WDR59: variants seen among roughly 807,000 people sequenced by gnomAD.
The protein encoded by WDR59 is GATOR2 complex protein WDR59.
WDR59 carries 100 observed loss-of-function variants against 131.2 expected under a neutral mutation model. The observed-to-expected ratio is 0.76, with a 90% CI of 0.65 to 0.90. WDR59 has a LOEUF of 0.90. Ranked by LOEUF, WDR59 falls within the 40% of genes least tolerant of loss-of-function variation. WDR59 has a pLI of 0.00. For synonymous variants in WDR59, 601 were observed against 466.2 expected, an observed-to-expected ratio of 1.29 and a Z score of -3.72; for missense variants, 1,203 against 1,262.2, an observed-to-expected ratio of 0.95 and a Z score of 0.71.
At chr16:74,900,704 G>C (rs1039707679) in intron 18 of WDR59, among the ~76,000 whole-genome samples, 3 of 152,228 alleles carry the variant, frequency 2.0e-5, no homozygotes, top group African/African-American at 7.2e-5. Flanking sequence ...TCCATCTAGA[G>C]AATATTTGGG....
intron 17 of WDR59, among the ~76,000 whole-genome samples, chr16:74,907,165 C>A (rs1965858143): frequency 6.6e-6 from 1 of 152,172 alleles, no homozygotes; most frequent in Non-Finnish European, 1.5e-5. Flanking sequence ...CAGAGATTGG[C>A]CACCTCTTGG....
At chr16:74,969,477 T>C (rs2033898229) in intron 1 of WDR59, among the ~76,000 whole-genome samples, 1 of 152,130 alleles carries the variant, frequency 6.6e-6, no homozygotes, top group African/African-American at 2.4e-5. Context: ...TTCACCGTGT[T>C]AGCCAGGATG....
intron 8 of WDR59, among the ~76,000 whole-genome samples, chr16:74,924,308 T>C (rs2030559570): frequency 6.6e-6 from 1 of 152,236 alleles, no homozygotes; most frequent in Non-Finnish European, 1.5e-5. Context: ...ACGTGTTTGA[T>C]TTTGTATCAC....
In WDR59 at chr16:74,919,003, A is replaced by C. The variant is rs572083059; in HGVS notation, c.887-995T>G. On this transcript the variant is annotated intron_variant, in intron 10 of 25. Coordinates refer to ENST00000262144, the MANE Select transcript of WDR59 (RefSeq NM_030581.4). ...CATCTTGCCTCATGTCCACATCAAC[A>C]ATCTTCTGACCCTACATCTGGCTTC... Among the ~76,000 whole-genome samples, 4 of 152,194 alleles carry C rather than the reference A, an allele frequency of 2.6e-5. No individual in the cohort carries two copies. The South Asian group carries it at 8.3e-4, about 32-fold the overall frequency.
chr16:74,884,472 C>T (rs966085070), intron 25 of WDR59, among the ~76,000 whole-genome samples: 1 of 152,246 alleles, frequency 6.6e-6, no homozygotes, highest in African/African-American at 2.4e-5. Flanking sequence ...CCTCAGCCTC[C>T]TGAGTAGCTG....
chr16:74,944,108 C>A (rs1221135442), intron 6 of WDR59, among the ~76,000 whole-genome samples: 1 of 152,106 alleles, frequency 6.6e-6, no homozygotes, highest in African/African-American at 2.4e-5. Context: ...GGGGAGGCAT[C>A]AGAACTCGAG....
chr16:74,981,660 A>ATTTTTTTTTTTTTTTTTT (rs1181233727), intron 1 of WDR59, among the ~76,000 whole-genome samples: 1 of 80,878 alleles, frequency 1.2e-5, no homozygotes, highest in African/African-American at 7.3e-5. Context: ...ATATATATAT[A>ATTTTTTTTTTTTTTTTTT]TTTTTTTTTT....
At chr16:74,948,844 T>C (rs1055317784) in intron 5 of WDR59, among the ~76,000 whole-genome samples, 1 of 152,038 alleles carries the variant, frequency 6.6e-6, no homozygotes, top group African/African-American at 2.4e-5. Flanking sequence ...CTACTAAAAA[T>C]ACAAAAATTA....
At chr16:74,944,781 A>C (rs561368931) in intron 6 of WDR59, among the ~76,000 whole-genome samples, 1 of 152,114 alleles carries the variant, frequency 6.6e-6, no homozygotes, top group Non-Finnish European at 1.5e-5. Context: ...TTCTACTTCC[A>C]TTTTTTAAGA....
intron 20 of WDR59, among the ~76,000 whole-genome samples, chr16:74,890,338 A>G (rs1964977402): frequency 6.6e-6 from 1 of 151,896 alleles, no homozygotes; most frequent in South Asian, 2.1e-4. Flanking sequence ...TTCAGTAGAG[A>G]TGGGGTTTTG....
At chr16:74,910,021 G>A in intron 14 of WDR59, 104 bp from the exon 15 acceptor site, 8 of 966,414 alleles carry the variant, frequency 8.3e-6, no homozygotes, top group East Asian at 2.7e-5. Flanking sequence ...AGGCTGGAGT[G>A]TAGTGGTACG....
rs1483131809 is a variant in WDR59 at position 74,873,352 on chromosome 16, C to G, written c.*857G>C. 1.3e-5 allele frequency: 2 copies of G among 152,194 alleles called. No individual in the cohort carries two copies. Among genetic ancestry groups the G allele is most frequent in the African/African-American group, 4.8e-5 (2 of 41,420 alleles). 9.4% of individuals were successfully genotyped at this position (152,194 alleles called of 1,614,324 possible). ...GAGCCATGGGGCCTGGCCAGGGAGA[C>G]TTTTCTATCCATGCTGCACGGCAAT... On this transcript the variant is annotated 3_prime_UTR_variant, in exon 26 of 26. Coordinates refer to ENST00000262144, the MANE Select transcript of WDR59 (RefSeq NM_030581.4).
chr16:74,945,072 C>G (rs1234584225), intron 6 of WDR59, among the ~76,000 whole-genome samples: 4 of 144,412 alleles, frequency 2.8e-5, no homozygotes, highest in Non-Finnish European at 6.1e-5. Flanking sequence ...TGCGGTGAGC[C>G]AAGATCGTGT....
intron 23 of WDR59, among the ~76,000 whole-genome samples, chr16:74,887,396 A>G (rs551943845): frequency 6.6e-6 from 1 of 152,254 alleles, no homozygotes; most frequent in African/African-American, 2.4e-5. Context: ...CATGTGAAGG[A>G]GAAAGGATAA....
intron 13 of WDR59, among the ~76,000 whole-genome samples, chr16:74,913,075 G>C (rs1397193289): frequency 9.0e-5 from 4 of 44,592 alleles, no homozygotes; most frequent in African/African-American, 1.5e-4. Flanking sequence ...GATTTTGGGG[G>C]GGGGGGGGGC....
In WDR59 at chr16:74,886,452, T is replaced by C. The variant is rs1463937893; in HGVS notation, c.2420-56A>G. The C allele has an allele frequency of 3.1e-6, 5 of 1,594,986 alleles. No individual in the cohort carries two copies. The East Asian group carries it at 1.1e-4, about 36-fold the overall frequency. ...GCAATCAGAGAAGGCATGGAAAATA[T>C]CTGAAGAGTCTCATAAGACAGCACG... On this transcript the variant is annotated intron_variant, in intron 23 of 25. Coordinates refer to ENST00000262144, the MANE Select transcript of WDR59 (RefSeq NM_030581.4).
intron 23 of WDR59, chr16:74,886,601 C>G (rs1293979553): frequency 1.8e-6 from 1 of 548,158 alleles, no homozygotes; most frequent in East Asian, 3.6e-5. Flanking sequence ...AGAACTTGAT[C>G]ACTAAGTACA....
At chr16:74,918,970 A>T (rs1257198721) in intron 10 of WDR59, among the ~76,000 whole-genome samples, 1 of 152,322 alleles carries the variant, frequency 6.6e-6, no homozygotes, top group Admixed American at 6.5e-5. Flanking sequence ...GCTTGTTACA[A>T]GTGCCACCAT....
intron 1 of WDR59, among the ~76,000 whole-genome samples, chr16:74,970,794 A>G (rs549560119): frequency 6.6e-5 from 10 of 152,134 alleles, no homozygotes; most frequent in African/African-American, 2.4e-4. Flanking sequence ...GTGCACACCT[A>G]TAATCCCAGG....
Sources: allele counts gnomAD v4.1 joint callset (sites outside exome capture counted in the v4.1 genomes callset), GRCh38; gene constraint gnomAD v4.1.1; transcripts MANE v1.5; gene names NCBI Gene and HGNC (gene_info 2026-07-23, HGNC 2026-07-21).